Variants in JAZF1 observed in about 807,000 individuals in gnomAD.
The protein encoded by JAZF1 is JAZF zinc finger 1, also known as juxtaposed with another zinc finger protein 1.
In JAZF1, 8 loss-of-function variants were observed where a neutral mutation model predicts 26.4. The ratio of observed to expected loss-of-function variants is 0.30; its 90% CI spans 0.18 to 0.55. The LOEUF (loss-of-function observed/expected upper bound fraction) is 0.55. Ranked by LOEUF, JAZF1 falls within the 20% of genes least tolerant of loss-of-function variation. JAZF1 has a pLI of 0.94. For missense variants in JAZF1, 199 were observed against 322.0 expected, an observed-to-expected ratio of 0.62 and a Z score of 2.92; for synonymous variants, 126 against 122.3, an observed-to-expected ratio of 1.03 and a Z score of -0.20.
chr7:28,003,555 C>T (rs565341088), intron 1 of JAZF1, among the ~76,000 whole-genome samples: 239 of 152,266 alleles, frequency 1.6e-3, no homozygotes, highest in African/African-American at 5.5e-3. Flanking sequence ...AATGAGTGTG[C>T]GCACAACTTC....
chr7:27,992,318 A>C, intron 1 of JAZF1: 1 of 432,224 alleles, frequency 2.3e-6, no homozygotes, highest in South Asian at 1.8e-5. Flanking sequence ...TAAGAAAGAA[A>C]GTCTCTGTTA....
At position 27,861,751 on chromosome 7, in the gene JAZF1, C is replaced by A. The variant is rs77571804; in HGVS notation, c.386-20884G>T. 7.7e-3 allele frequency among the ~76,000 whole-genome samples: 1,169 copies of A among 152,278 alleles called. 18 individuals are homozygous for A. The highest frequency in any genetic ancestry group is 0.027 in the African/African-American group (1,108 of 41,544). ...TGTCTGCTCATATTTAAAAGTGAGGCATAAAAAGCAGATTGGATGCTCTGG... is the reference window on the plus strand; with the variant it reads ...TGTCTGCTCATATTTAAAAGTGAGGAATAAAAAGCAGATTGGATGCTCTGG... On this transcript the variant is annotated intron_variant, in intron 3 of 4. Coordinates refer to ENST00000283928, the MANE Select transcript of JAZF1 (RefSeq NM_175061.4).
chr7:27,966,745 A>C (rs28751937), intron 2 of JAZF1, among the ~76,000 whole-genome samples: 2,145 of 152,334 alleles, frequency 0.014, 57 homozygotes, highest in African/African-American at 0.049. Context: ...TGAATAAACA[A>C]AATTCTTAGG....
chr7:28,013,566 G>A (rs987330494), intron 1 of JAZF1, among the ~76,000 whole-genome samples: 1 of 152,124 alleles, frequency 6.6e-6, no homozygotes, highest in African/African-American at 2.4e-5. Flanking sequence ...TGACGATGAT[G>A]CTGCTGACTG....
Position 28,025,128 on chromosome 7 carries a change from C to T in JAZF1, c.116-33147G>A, listed in dbSNP as rs1327462686. Reference sequence around the variant, plus strand: ...AACCTGGTGACCCAGCAACAATGTCCGTTGAGTGTCCAGGGCTGTTACTGG... The same window carrying T: ...AACCTGGTGACCCAGCAACAATGTCTGTTGAGTGTCCAGGGCTGTTACTGG... On this transcript the variant is annotated intron_variant, in intron 1 of 4. Coordinates refer to ENST00000283928, the MANE Select transcript of JAZF1 (RefSeq NM_175061.4). Among the ~76,000 whole-genome samples, 5 of 152,298 alleles carry T rather than the reference C, an allele frequency of 3.3e-5. No individual in the cohort carries two copies. In the East Asian group the frequency reaches 9.6e-4, roughly 29 times the overall value.
chr7:28,098,491 C>T (rs145331291), intron 1 of JAZF1, among the ~76,000 whole-genome samples: 37 of 152,174 alleles, frequency 2.4e-4, no homozygotes, highest in African/African-American at 8.4e-4. Flanking sequence ...AGGTATACAG[C>T]GACCACCAAG....
At chr7:27,848,822 A>ACCTGTC (rs1271607575) in intron 3 of JAZF1, among the ~76,000 whole-genome samples, 1 of 152,136 alleles carries the variant, frequency 6.6e-6, no homozygotes, top group Non-Finnish European at 1.5e-5. Context: ...ACCCAAACCT[A>ACCTGTC]CCTGTGCTTA....
chr7:27,967,403 G>T (rs1785295993), intron 2 of JAZF1, among the ~76,000 whole-genome samples: 1 of 152,064 alleles, frequency 6.6e-6, no homozygotes, highest in South Asian at 2.1e-4. Context: ...ACAGCTTTCT[G>T]ACTGTCCGAT....
In JAZF1 at chr7:27,889,065, G is replaced by A. The variant is rs1403637474; in HGVS notation, c.385+6155C>T. 2.6e-5 allele frequency among the ~76,000 whole-genome samples: 4 copies of A among 152,158 alleles called. No homozygotes were observed. In the East Asian group the frequency reaches 7.7e-4, roughly 29 times the overall value. ...CAAAATTCAAGCTAGAAGGCACATA[G>A]ATACTACAATGAGATGGGCCATGTT... is the stretch of plus-strand genomic sequence containing the variant. On this transcript the variant is annotated intron_variant, in intron 3 of 4. Coordinates refer to ENST00000283928, the MANE Select transcript of JAZF1 (RefSeq NM_175061.4).
intron 1 of JAZF1, among the ~76,000 whole-genome samples, chr7:28,087,116 T>C (rs1274858373): frequency 6.6e-6 from 1 of 152,234 alleles, no homozygotes; most frequent in Non-Finnish European, 1.5e-5. Flanking sequence ...TTTATTTAGC[T>C]TTCAACAAGT....
At chr7:27,952,124 G>T (rs950089818) in intron 2 of JAZF1, among the ~76,000 whole-genome samples, 8 of 152,160 alleles carry the variant, frequency 5.3e-5, no homozygotes, top group African/African-American at 1.9e-4. Flanking sequence ...TTCACTTCCA[G>T]GGACATAATG....
At chr7:27,852,051 T>C (rs981535480) in intron 3 of JAZF1, among the ~76,000 whole-genome samples, 1 of 151,908 alleles carries the variant, frequency 6.6e-6, no homozygotes, top group African/African-American at 2.4e-5. Flanking sequence ...CAGTACAAGA[T>C]GATTCAAAAG....
At chr7:27,891,490 G>A (rs1488596197) in intron 3 of JAZF1, among the ~76,000 whole-genome samples, 2 of 152,102 alleles carry the variant, frequency 1.3e-5, no homozygotes, top group East Asian at 3.8e-4. Context: ...ACAAGGATAG[G>A]AAAGGAAAAC....
chr7:28,174,821 G>GGTGTGGGT lies in JAZF1; in HGVS notation c.115+5641_115+5642insACCCACAC, dbSNP rs1783524704. On this transcript the variant is annotated intron_variant, in intron 1 of 4. Transcript: ENST00000283928. ...CCTGATCCTGCCTATGGGGTGTGTG[G>GGTGTGGGT]GTGTGTGTGTGTGTGTGTGTGTGTG... Among the ~76,000 whole-genome samples the GGTGTGGGT allele has an allele frequency of 1.9e-5, 2 of 107,798 alleles. 1 individual carries two copies. Among genetic ancestry groups the GGTGTGGGT allele is most frequent in the South Asian group, 5.7e-4 (2 of 3,512 alleles). The allele number at this position is 107,798 out of a possible 152,430, so 70.7% of individuals were successfully genotyped here. A position where few individuals can be genotyped will look rare whatever the true frequency, so the allele number is the denominator to read the frequency against.
intron 1 of JAZF1, among the ~76,000 whole-genome samples, chr7:28,130,705 G>A (rs1367686613): frequency 6.6e-6 from 1 of 152,206 alleles, no homozygotes; most frequent in Non-Finnish European, 1.5e-5. Flanking sequence ...GAAGCTCTAT[G>A]TAGACTGTCG....
intron 1 of JAZF1, among the ~76,000 whole-genome samples, chr7:28,089,356 C>G (rs1360324329): frequency 6.6e-6 from 1 of 152,170 alleles, no homozygotes; most frequent in Non-Finnish European, 1.5e-5. Flanking sequence ...TTACCAGACC[C>G]AATTATGCTA....
At chr7:27,846,195 G>C (rs1394133256) in intron 3 of JAZF1, among the ~76,000 whole-genome samples, 1 of 152,002 alleles carries the variant, frequency 6.6e-6, no homozygotes, top group African/African-American at 2.4e-5. Context: ...ATATAAGTGA[G>C]ATCATGTACT....
intron 1 of JAZF1, among the ~76,000 whole-genome samples, chr7:28,109,361 A>G (rs1341318882): frequency 6.6e-6 from 1 of 152,212 alleles, no homozygotes; most frequent in Non-Finnish European, 1.5e-5. Context: ...TGATACCTCA[A>G]TAAAGCGGGG....
intron 1 of JAZF1, among the ~76,000 whole-genome samples, chr7:28,089,283 C>T (rs1427065728): frequency 2.6e-5 from 4 of 152,118 alleles, no homozygotes; most frequent in Non-Finnish European, 5.9e-5. Context: ...AACTTGCTTC[C>T]TCTCTCTCTG....
Sources: allele counts gnomAD v4.1 joint callset (sites outside exome capture counted in the v4.1 genomes callset), GRCh38; gene constraint gnomAD v4.1.1; transcripts MANE v1.5; gene names NCBI Gene and HGNC (gene_info 2026-07-23, HGNC 2026-07-21).